Variants in ERI1 observed in about 807,000 individuals in gnomAD.
ERI1 encodes exoribonuclease 1.
A neutral mutation model predicts 39.7 loss-of-function variants in ERI1; 39 were observed. The ratio of observed to expected loss-of-function variants is 0.98; its 90% confidence interval spans 0.76 to 1.28. The LOEUF is 1.28. ERI1 is among the 50% of genes most tolerant of loss of function. The pLI is 0.00. For missense variants in ERI1, 581 were observed against 416.9 expected (o/e 1.39, Z -3.43); for synonymous variants, 204 against 149.6 (o/e 1.36, Z -2.65).
chr8:9,028,103 A>T (rs192841733), intron 6 of ERI1, among the ~76,000 whole-genome samples: 14 of 152,198 alleles, frequency 9.2e-5, no homozygotes, highest in East Asian at 7.7e-4. Flanking sequence ...ATGAGTTGGG[A>T]AGTATTTCTT....
chr8:9,033,373 C>G (rs1797723212), downstream of ERI1: 1 of 152,198 alleles, frequency 6.6e-6, no homozygotes, highest in Non-Finnish European at 1.5e-5. Flanking sequence ...TCATCTCTGA[C>G]CACTTTTGTG....
chr8:9,029,730 C>A, intron 6 of ERI1, 62 bp from the exon 7 acceptor site: 1 of 1,580,286 alleles, frequency 6.3e-7, no homozygotes. Flanking sequence ...TTCATCTTAA[C>A]TGTGGCTTAT....
chr8:9,008,002 G>C lies in ERI1; in HGVS notation c.141G>C (p.Glu47Asp). ...ETQQCKFDGQ[E>D]TKGSKFITSS... ...AACAGTGTAAATTTGATGGCCAGGAGACAAAAGGATCCAAGTTCATTACCT... is the reference window on the plus strand; with the variant it reads ...AACAGTGTAAATTTGATGGCCAGGACACAAAAGGATCCAAGTTCATTACCT... Residue 47 changes from glutamate (E) to aspartate (D), a missense_variant, in exon 2 of 7, where the codon GAG becomes GAC. Physicochemically the swap from Glu to Asp is conservative, Grantham distance 45. Transcript: ENST00000250263. 6.8e-7 allele frequency: 1 copy of C among 1,474,238 alleles called. No homozygotes were observed. Among genetic ancestry groups the C allele is most frequent in the Non-Finnish European group, 9.1e-7 (1 of 1,101,868 alleles). 91.3% of individuals were successfully genotyped at this position (1,474,238 alleles called of 1,614,324 possible). A position where few individuals can be genotyped will look rare whatever the true frequency, so the allele number is the denominator to read the frequency against.
At chr8:9,033,863 G>GC (rs34752410), downstream of ERI1, among the ~76,000 whole-genome samples, 70,632 of 151,538 alleles carry the variant, frequency 0.47, 17,975 homozygotes, top group African/African-American at 0.63. Context: ...ACATCTTCCT[G>GC]TATGGTTTAA....
chr8:9,076,637 T>C (rs1171240316), intron 3 of ERI1, among the ~76,000 whole-genome samples: 2 of 152,246 alleles, frequency 1.3e-5, no homozygotes, highest in Non-Finnish European at 2.9e-5. Flanking sequence ...TAATACCATG[T>C]GCTTCTCTTT....
chr8:9,094,159 G>T (rs895801182), intron 3 of ERI1, among the ~76,000 whole-genome samples: 6 of 152,116 alleles, frequency 3.9e-5, no homozygotes, highest in African/African-American at 1.4e-4. Flanking sequence ...AGCAGACAAG[G>T]CATTGAGGAC....
At chr8:9,058,072 C>T (rs190472071) in intron 3 of ERI1, among the ~76,000 whole-genome samples, 309 of 152,260 alleles carry the variant, frequency 2.0e-3, no homozygotes, top group African/African-American at 6.9e-3. Context: ...ATCTGTCTGC[C>T]GTTTGAAAAG....
At chr8:9,058,405 C>G (rs1403760140) in intron 3 of ERI1, among the ~76,000 whole-genome samples, 1 of 152,142 alleles carries the variant, frequency 6.6e-6, no homozygotes, top group African/African-American at 2.4e-5. Context: ...GGGCCTAGCT[C>G]CTGGTATGAA....
At chr8:9,086,469 G>C (rs543444129) in intron 3 of ERI1, among the ~76,000 whole-genome samples, 1 of 152,168 alleles carries the variant, frequency 6.6e-6, no homozygotes, top group Non-Finnish European at 1.5e-5. Flanking sequence ...AGGATCTCTT[G>C]AGCCAGGGAG....
chr8:9,023,208 T>G (rs1310596020), intron 6 of ERI1, among the ~76,000 whole-genome samples: 1 of 152,186 alleles, frequency 6.6e-6, no homozygotes. Flanking sequence ...TATTTTACTT[T>G]ATTCTTTTAA....
chr8:9,005,016 A>T (rs1021843278), intron 1 of ERI1, among the ~76,000 whole-genome samples: 1 of 152,184 alleles, frequency 6.6e-6, no homozygotes, highest in Non-Finnish European at 1.5e-5. Context: ...AATCTGGGCC[A>T]AAGTTTTTTG....
At chr8:9,077,535 G>A (rs1418453741) in intron 3 of ERI1, among the ~76,000 whole-genome samples, 1 of 152,192 alleles carries the variant, frequency 6.6e-6, no homozygotes, top group East Asian at 1.9e-4. Context: ...GGGGGCTCCT[G>A]GAGGGTGGTG....
At position 9,007,769 on chromosome 8, in the gene ERI1, A is replaced by G. The variant is rs930192856; in HGVS notation, c.109-201A>G. Among the ~76,000 whole-genome samples, 7 of 152,138 alleles carry G rather than the reference A, an allele frequency of 4.6e-5. No homozygotes were observed. The East Asian group carries it at 1.3e-3, about 29-fold the overall frequency. On this transcript the variant is annotated intron_variant, in intron 1 of 6. Transcript: ENST00000250263. ...TTTGAGGAACCTCATGACTCATAATAGAGTGGGGTAAATTGTATTGGAGAC... is the reference window on the plus strand; with the variant it reads ...TTTGAGGAACCTCATGACTCATAATGGAGTGGGGTAAATTGTATTGGAGAC...
chr8:9,007,245 G>A lies in ERI1; in HGVS notation c.109-725G>A, dbSNP rs538126499. On this transcript the variant is annotated intron_variant, in intron 1 of 6. Transcript: ENST00000250263. Reference sequence around the variant, plus strand: ...GACCTAAGTACAACTTTTGGAAAATGTAAGTTTTGAAATTAAATACATTTC... The same window carrying A: ...GACCTAAGTACAACTTTTGGAAAATATAAGTTTTGAAATTAAATACATTTC... Among the ~76,000 whole-genome samples the A allele has an allele frequency of 7.2e-5, 11 of 152,292 alleles. No individual in the cohort carries two copies. In the South Asian group the frequency reaches 1.7e-3, roughly 23 times the overall value.
chr8:9,092,691 T>C (rs1010880518), intron 3 of ERI1, among the ~76,000 whole-genome samples: 1 of 152,192 alleles, frequency 6.6e-6, no homozygotes, highest in African/African-American at 2.4e-5. Flanking sequence ...TTGGACAAGA[T>C]TCAGATTTAT....
intron 5 of ERI1, 110 bp from the exon 6 acceptor site, chr8:9,020,240 C>T (rs949717160): frequency 1.3e-5 from 7 of 520,278 alleles, no homozygotes; most frequent in African/African-American, 1.0e-4. Flanking sequence ...CTTGATGTTA[C>T]ATTTGAATAT....
intron 3 of ERI1, among the ~76,000 whole-genome samples, chr8:9,066,918 C>T (rs567236356): frequency 1.5e-4 from 23 of 152,026 alleles, no homozygotes; most frequent in South Asian, 1.0e-3. Flanking sequence ...GGAGGAAGCA[C>T]GAACGGTGAC....
intron 6 of ERI1, among the ~76,000 whole-genome samples, chr8:9,022,383 T>C (rs1256005619): frequency 6.6e-6 from 1 of 152,154 alleles, no homozygotes; most frequent in Non-Finnish European, 1.5e-5. Context: ...AATCTTTTTG[T>C]GTGAATTTAT....
intron 3 of ERI1, among the ~76,000 whole-genome samples, chr8:9,060,696 G>T (rs1294324284): frequency 1.3e-5 from 2 of 152,198 alleles, no homozygotes; most frequent in African/African-American, 4.8e-5. Context: ...ATAGGTGGAA[G>T]TTTCAGCGGG....
Sources: gnomAD v4.1 joint callset for allele counts (sites outside exome capture counted in the v4.1 genomes callset) on GRCh38, gnomAD v4.1.1 for gene constraint, MANE v1.5 for transcripts, NCBI Gene and HGNC (gene_info 2026-07-23, HGNC 2026-07-21) for gene names.